Variants in HS3ST4 observed in about 807,000 individuals in gnomAD.
HS3ST4 encodes heparan sulfate glucosamine 3-O-sulfotransferase 4.
In HS3ST4, 17 loss-of-function variants were observed where a neutral mutation model predicts 29.2. That is an observed-to-expected ratio of 0.58 (90% CI 0.40 to 0.87). The LOEUF is 0.87. HS3ST4 is among the 40% of genes least tolerant of loss of function. HS3ST4 has a pLI of 0.00. For missense variants in HS3ST4, 627 were observed against 634.5 expected, an observed-to-expected ratio of 0.99 and a Z score of 0.13; for synonymous variants, 314 against 285.7, an observed-to-expected ratio of 1.10 and a Z score of -1.00.
intron 1 of HS3ST4, among the ~76,000 whole-genome samples, chr16:26,115,245 G>GTATATATATGTATACATA (rs1555484844): frequency 2.7e-5 from 4 of 149,052 alleles, no homozygotes; most frequent in African/African-American, 1.0e-4. Context: ...GTATGTGTGT[G>GTATATATATGTATACATA]TATATATATA....
At chr16:26,047,841 C>T (rs1427320930) in intron 1 of HS3ST4, among the ~76,000 whole-genome samples, 1 of 152,128 alleles carries the variant, frequency 6.6e-6, no homozygotes, top group Non-Finnish European at 1.5e-5. Context: ...GATGATGGAC[C>T]ATGAGCGGTG....
At chr16:26,004,739 G>T (rs931949610) in intron 1 of HS3ST4, among the ~76,000 whole-genome samples, 1 of 152,168 alleles carries the variant, frequency 6.6e-6, no homozygotes, top group African/African-American at 2.4e-5. Context: ...TATGATGGCT[G>T]CCATCATGGT....
intron 1 of HS3ST4, among the ~76,000 whole-genome samples, chr16:25,869,603 C>T (rs1967728716): frequency 6.6e-6 from 1 of 152,068 alleles, no homozygotes; most frequent in African/African-American, 2.4e-5. Context: ...CATCAAATGT[C>T]TGCAAAACCC....
At chr16:26,133,242 G>T (rs1208520400) in intron 1 of HS3ST4, among the ~76,000 whole-genome samples, 2 of 152,058 alleles carry the variant, frequency 1.3e-5, no homozygotes, top group Admixed American at 1.3e-4. Context: ...GATCCCAAGT[G>T]ATTTACCTGC....
At chr16:25,857,001 C>T (rs1182040508) in intron 1 of HS3ST4, among the ~76,000 whole-genome samples, 1 of 152,104 alleles carries the variant, frequency 6.6e-6, no homozygotes, top group African/African-American at 2.4e-5. Flanking sequence ...AAGTAGGACA[C>T]AGTTTTGTTG....
intron 1 of HS3ST4, among the ~76,000 whole-genome samples, chr16:25,796,957 G>A (rs1966889565): frequency 6.6e-6 from 1 of 152,188 alleles, no homozygotes; most frequent in African/African-American, 2.4e-5. Context: ...TAGAGCCAGA[G>A]GTATTTTCTG....
chr16:25,746,889 C>G (rs1966689004), intron 1 of HS3ST4, among the ~76,000 whole-genome samples: 1 of 152,044 alleles, frequency 6.6e-6, no homozygotes, highest in East Asian at 1.9e-4. Context: ...TGCTCCATCA[C>G]CCGTGCTGAA....
intron 1 of HS3ST4, among the ~76,000 whole-genome samples, chr16:25,767,468 G>T (rs536621659): frequency 6.6e-6 from 1 of 152,268 alleles, no homozygotes; most frequent in Admixed American, 6.5e-5. Context: ...ATGGGAGGTG[G>T]GGGGTGACAG....
chr16:25,895,247 T>A (rs1214905993), intron 1 of HS3ST4, among the ~76,000 whole-genome samples: 1 of 152,060 alleles, frequency 6.6e-6, no homozygotes, highest in African/African-American at 2.4e-5. Context: ...AACAAGGTGA[T>A]GTGAGTTAAT....
At chr16:25,876,814 T>G (rs974863609) in intron 1 of HS3ST4, among the ~76,000 whole-genome samples, 1 of 152,112 alleles carries the variant, frequency 6.6e-6, no homozygotes, top group Non-Finnish European at 1.5e-5. Flanking sequence ...CTTCAGTTGT[T>G]CTCTCCTATC....
At chr16:25,812,289 C>T (rs1254576800) in intron 1 of HS3ST4, among the ~76,000 whole-genome samples, 3 of 152,128 alleles carry the variant, frequency 2.0e-5, no homozygotes, top group Non-Finnish European at 4.4e-5. Context: ...ACATCCCTAG[C>T]CTCATCTTCC....
At chr16:26,076,087 C>A (rs1898661371) in intron 1 of HS3ST4, among the ~76,000 whole-genome samples, 1 of 152,170 alleles carries the variant, frequency 6.6e-6, no homozygotes, top group Non-Finnish European at 1.5e-5. Flanking sequence ...AATTATTGCA[C>A]CTTCTTAGAA....
chr16:25,894,803 G>T (rs1223456054), intron 1 of HS3ST4, among the ~76,000 whole-genome samples: 3 of 152,104 alleles, frequency 2.0e-5, no homozygotes, highest in African/African-American at 7.2e-5. Flanking sequence ...ACCGTGCCTG[G>T]TGGCCTCTTT....
intron 1 of HS3ST4, among the ~76,000 whole-genome samples, chr16:25,931,218 C>T (rs945599004): frequency 1.3e-5 from 2 of 152,228 alleles, no homozygotes; most frequent in African/African-American, 2.4e-5. Flanking sequence ...AGCCCTCTGC[C>T]GTGTGACCCC....
chr16:25,859,393 A>G (rs1967615088), intron 1 of HS3ST4, among the ~76,000 whole-genome samples: 1 of 152,230 alleles, frequency 6.6e-6, no homozygotes, highest in African/African-American at 2.4e-5. Context: ...AAACCAAGGC[A>G]CTGAGAGGTA....
intron 1 of HS3ST4, among the ~76,000 whole-genome samples, chr16:25,961,327 A>G (rs934854934): frequency 3.3e-5 from 5 of 152,246 alleles, no homozygotes; most frequent in Admixed American, 6.5e-5. Context: ...TAACCATGAT[A>G]TGAAAATGCT....
intron 1 of HS3ST4, among the ~76,000 whole-genome samples, chr16:26,058,198 A>G (rs1898432520): frequency 6.6e-6 from 1 of 152,170 alleles, no homozygotes; most frequent in South Asian, 2.1e-4. Context: ...TCTGAAATTT[A>G]ATTTCCTCAT....
At chr16:26,093,705 C>T (rs560389498) in intron 1 of HS3ST4, among the ~76,000 whole-genome samples, 51 of 152,314 alleles carry the variant, frequency 3.3e-4, no homozygotes, top group African/African-American at 1.2e-3. Flanking sequence ...CACCTCTTCT[C>T]CTCCAAAGGA....
chr16:25,742,912 A>G (rs547843171), intron 1 of HS3ST4, among the ~76,000 whole-genome samples: 1 of 152,142 alleles, frequency 6.6e-6, no homozygotes, highest in Non-Finnish European at 1.5e-5. Context: ...GCATCTCTTG[A>G]ACTACCTTCC....
Sources: gnomAD v4.1 joint callset for allele counts (sites outside exome capture counted in the v4.1 genomes callset) on GRCh38, gnomAD v4.1.1 for gene constraint, MANE v1.5 for transcripts, NCBI Gene and HGNC (gene_info 2026-07-23, HGNC 2026-07-21) for gene names.